TENM3: variants seen among roughly 807,000 people sequenced by gnomAD.
TENM3 encodes teneurin-3.
A neutral mutation model predicts 255.1 loss-of-function variants in TENM3; 63 were observed. The observed-to-expected ratio is 0.25, with a 90% CI of 0.20 to 0.30. The LOEUF is 0.30. Among genes scored for constraint, TENM3 ranks in the 10% least tolerant of loss-of-function variants. The pLI is 1.00. For missense variants in TENM3, 2,929 were observed against 3,461.1 expected, an observed-to-expected ratio of 0.85 and a Z score of 3.86; for synonymous variants, 1,306 against 1,322.3, an observed-to-expected ratio of 0.99 and a Z score of 0.27.
the TENM3 span, among the ~76,000 whole-genome samples, chr4:181,681,252 T>C: frequency 8.0e-5 from 12 of 149,848 alleles, no homozygotes; most frequent in African/African-American, 2.7e-4. Context: ...AGTAGTCTAA[T>C]TGAAATAAAT....
chr4:181,657,210 TA>T, the TENM3 span, among the ~76,000 whole-genome samples: 1 of 152,156 alleles, frequency 6.6e-6, no homozygotes, highest in Non-Finnish European at 1.5e-5. Flanking sequence ...CAGGAAAAAA[TA>T]ATTCTGTGGC....
chr4:182,215,497 C>A (rs1755396863), intron 1 of TENM3, among the ~76,000 whole-genome samples: 1 of 152,080 alleles, frequency 6.6e-6, no homozygotes, highest in African/African-American at 2.4e-5. Flanking sequence ...ATTAAAAAAA[C>A]AAATCTGCCC....
the TENM3 span, among the ~76,000 whole-genome samples, chr4:181,509,959 A>G: frequency 6.6e-6 from 1 of 152,208 alleles, no homozygotes; most frequent in African/African-American, 2.4e-5. Flanking sequence ...GCCACAGAAC[A>G]AATGCAAGCA....
chr4:182,629,466 G>A (rs1314682377), intron 5 of TENM3, among the ~76,000 whole-genome samples: 1 of 152,162 alleles, frequency 6.6e-6, no homozygotes, highest in Non-Finnish European at 1.5e-5. Context: ...TCATTTGATA[G>A]TAACCCAAAT....
intron 26 of TENM3, among the ~76,000 whole-genome samples, chr4:182,794,902 C>CTATTTGTGG (rs1766382645): frequency 2.0e-5 from 3 of 152,178 alleles, no homozygotes; most frequent in Non-Finnish European, 4.4e-5. Flanking sequence ...ATCATTAACC[C>CTATTTGTGG]CTCTACCACA....
intron 19 of TENM3, among the ~76,000 whole-genome samples, chr4:182,747,750 A>G (rs986477822): frequency 6.6e-5 from 10 of 152,356 alleles, no homozygotes; most frequent in Non-Finnish European, 1.2e-4. Flanking sequence ...TGAATCCATT[A>G]AAGTGTAGAT....
At chr4:181,979,504 G>A in the TENM3 span, among the ~76,000 whole-genome samples, 2 of 152,210 alleles carry the variant, frequency 1.3e-5, no homozygotes, top group South Asian at 2.1e-4. Context: ...TATATATAAA[G>A]TGAAAGTCTG....
chr4:181,927,970 G>T, the TENM3 span, among the ~76,000 whole-genome samples: 1 of 152,214 alleles, frequency 6.6e-6, no homozygotes, highest in African/African-American at 2.4e-5. Flanking sequence ...CAAACAGAAA[G>T]GAATAGAATC....
chr4:181,574,827 A>G, the TENM3 span, among the ~76,000 whole-genome samples: 1 of 152,170 alleles, frequency 6.6e-6, no homozygotes, highest in Non-Finnish European at 1.5e-5. Flanking sequence ...AATGTACTAA[A>G]GAAGGTACAT....
the TENM3 span, among the ~76,000 whole-genome samples, chr4:182,051,016 A>G: frequency 6.6e-6 from 1 of 152,038 alleles, no homozygotes; most frequent in Non-Finnish European, 1.5e-5. Flanking sequence ...ATGTGGCAGA[A>G]AAATATGTTT....
intron 5 of TENM3, among the ~76,000 whole-genome samples, chr4:182,631,937 G>A (rs573685018): frequency 2.6e-5 from 4 of 152,130 alleles, no homozygotes; most frequent in Non-Finnish European, 5.9e-5. Flanking sequence ...CTGAAAGAGA[G>A]GCAAGGAGGG....
At chr4:181,584,593 G>C in the TENM3 span, among the ~76,000 whole-genome samples, 16 of 152,244 alleles carry the variant, frequency 1.1e-4, no homozygotes, top group South Asian at 3.3e-3. Context: ...AGTTAATGCA[G>C]AAAACTTGAC....
At chr4:181,726,194 T>G in the TENM3 span, among the ~76,000 whole-genome samples, 1 of 152,164 alleles carries the variant, frequency 6.6e-6, no homozygotes, top group East Asian at 1.9e-4. Flanking sequence ...AAATATAAAT[T>G]TATTCATTCA....
chr4:182,220,326 G>A (rs1755770626), intron 1 of TENM3, among the ~76,000 whole-genome samples: 1 of 129,202 alleles, frequency 7.7e-6, no homozygotes, highest in Non-Finnish European at 1.6e-5. Flanking sequence ...GCAGTGAGCA[G>A]AGATCACACC....
At chr4:181,720,344 G>T in the TENM3 span, among the ~76,000 whole-genome samples, 1 of 152,120 alleles carries the variant, frequency 6.6e-6, no homozygotes, top group African/African-American at 2.4e-5. Flanking sequence ...ATTCTCCCAA[G>T]ATATTCCTAT....
the TENM3 span, among the ~76,000 whole-genome samples, chr4:181,473,452 G>C: frequency 9.2e-5 from 14 of 151,964 alleles, no homozygotes; most frequent in East Asian, 2.5e-3. Context: ...ATTAGCTGGG[G>C]GTGGCGACAC....
the TENM3 span, among the ~76,000 whole-genome samples, chr4:181,833,232 C>T: frequency 6.6e-6 from 1 of 152,162 alleles, no homozygotes; most frequent in Non-Finnish European, 1.5e-5. Context: ...CTCCTTCCCT[C>T]TCCTGATCCT....
chr4:181,696,652 G>C, the TENM3 span, among the ~76,000 whole-genome samples: 1 of 152,186 alleles, frequency 6.6e-6, no homozygotes, highest in Non-Finnish European at 1.5e-5. Flanking sequence ...TATTCTCAGT[G>C]CCTAGCACAG....
chr4:182,009,745 C>T, the TENM3 span, among the ~76,000 whole-genome samples: 2 of 152,214 alleles, frequency 1.3e-5, no homozygotes, highest in African/African-American at 2.4e-5. Context: ...TGCCCCTCCC[C>T]CTGGGAGTTC....
Sources: gnomAD v4.1 joint callset for allele counts (sites outside exome capture counted in the v4.1 genomes callset) on GRCh38, gnomAD v4.1.1 for gene constraint, MANE v1.5 for transcripts, NCBI Gene and HGNC (gene_info 2026-07-23, HGNC 2026-07-21) for gene names.